AIRE: variants seen among roughly 807,000 people sequenced by gnomAD.
The protein encoded by AIRE is autoimmune polyendocrinopathy candidiasis ectodermal dystrophy protein.
A neutral mutation model predicts 62.1 loss-of-function variants in AIRE; 52 were observed. The ratio of observed to expected loss-of-function variants is 0.84; its 90% confidence interval spans 0.67 to 1.06. The LOEUF (loss-of-function observed/expected upper bound fraction) is 1.06, where lower values mean the gene tolerates loss of function less well. AIRE is among the 50% of genes least tolerant of loss of function. AIRE has a pLI of 0.00. For missense variants in AIRE, 774 were observed against 755.8 expected (o/e 1.02, Z -0.28); for synonymous variants, 342 against 321.6 (o/e 1.06, Z -0.68).
intron 7 of AIRE, 63 bp downstream of exon 7, chr21:44,290,131 T>G (rs1601966977): frequency 1.3e-6 from 2 of 1,563,132 alleles, no homozygotes; most frequent in East Asian, 4.6e-5. Flanking sequence ...TGGGTCCTGC[T>G]GCCTCTGCCT....
chr21:44,290,639 T>TG (rs1568928246), intron 7 of AIRE: 5 of 1,088,898 alleles, frequency 4.6e-6, no homozygotes, highest in Non-Finnish European at 4.9e-6. Context: ...CCTGGCTGTC[T>TG]GGGGGGATTC....
chr21:44,290,342 C>T (rs540660094), intron 7 of AIRE: 4 of 985,460 alleles, frequency 4.1e-6, no homozygotes, highest in South Asian at 4.7e-5. Context: ...CAGCTGGGCC[C>T]GTGGGTGGGC....
At chr21:44,292,636 AC>A (rs1436618496) in intron 9 of AIRE, among the ~76,000 whole-genome samples, 1 of 151,808 alleles carries the variant, frequency 6.6e-6, no homozygotes, top group African/African-American at 2.4e-5. Context: ...CTGCGGGTCC[AC>A]CCCGGGGGGC....
In AIRE at chr21:44,297,570, A is replaced by G. The variant is rs2040623822; in HGVS notation, c.1567-86A>G. ...ACCTTTGACTTAGAGGGAAGGTTGG[A>G]TGGTGACTTCTTGTAACGATGGCCA... On this transcript the variant is annotated intron_variant, in intron 13 of 13. Coordinates refer to ENST00000291582, the MANE Select transcript of AIRE (RefSeq NM_000383.4). This position sits in a 1 kb window ranked among gnomAD's most constrained non-coding sequence, Gnocchi z 4.8. 2 of 1,275,934 alleles carry G rather than the reference A, an allele frequency of 1.6e-6. No individual in the cohort carries two copies. Among genetic ancestry groups the G allele is most frequent in the Non-Finnish European group, 2.3e-6 (2 of 884,240 alleles). 79.0% of individuals were successfully genotyped at this position (1,275,934 alleles called of 1,614,324 possible). A position where few individuals can be genotyped will look rare whatever the true frequency, so the allele number is the denominator to read the frequency against.
At position 44,288,338 on chromosome 21, in the gene AIRE, T is replaced by TA. The variant is rs771925480; in HGVS notation, c.539-7_539-6insA. The TA allele has an allele frequency of 6.3e-7, 1 of 1,591,852 alleles. No homozygotes were observed. The highest frequency in any genetic ancestry group is 1.1e-5 in the South Asian group (1 of 90,672). On this transcript the variant is annotated splice_region_variant and splice_polypyrimidine_tract_variant and intron_variant, in intron 4 of 13. Transcript: ENST00000291582. ...CGGGTGACCCCAATGGGTGTTCCCT[T>TA]TCCCAGGGATTCAGACCATGTCAGC... is the stretch of plus-strand genomic sequence containing the variant.
At position 44,287,503 on chromosome 21, in the gene AIRE, G is replaced by T. The variant is rs569160989; in HGVS notation, c.464-14G>T. 13 of 1,549,210 alleles carry T rather than the reference G, an allele frequency of 8.4e-6. No individual in the cohort carries two copies. The African/African-American group carries it at 1.2e-4, about 15-fold the overall frequency. ...GAGAGGGGAGGCCAGGCTGCCCCCA[G>T]CTCCCCCATTCAGGCTCTCAACTGA... On this transcript the variant is annotated splice_polypyrimidine_tract_variant and intron_variant, in intron 3 of 13. Transcript: ENST00000291582. This position sits in a 1 kb window ranked among gnomAD's most constrained non-coding sequence, Gnocchi z 4.3.
rs762289753 is a variant in AIRE, at chr21:44,293,124, G to T, written c.1227G>T (p.Leu409=). The change falls in exon 10 of 14, where the codon CTG becomes CTT. Residue 409 remains leucine (L), a synonymous_variant. Coordinates refer to ENST00000291582, the MANE Select transcript of AIRE (RefSeq NM_000383.4). ...APPSAAPLPG[L]DSSALHPLLC... ...CTTCTGCAGCCCCGCTGCCAGGGCT[G>T]GACTCCTCGGCCCTGCACCCCCTAC... 1 of 1,597,184 alleles carries T rather than the reference G, an allele frequency of 6.3e-7. No homozygotes were observed.
At chr21:44,296,517 C>T (rs1370162779) in intron 13 of AIRE, 72 bp downstream of exon 13, 3 of 1,438,276 alleles carry the variant, frequency 2.1e-6, no homozygotes, top group Non-Finnish European at 2.9e-6. Context: ...CCAGGCTCCC[C>T]ACTCTGGGGG....
intron 8 of AIRE, 23 bp downstream of exon 8, chr21:44,291,233 G>A (rs567075906): frequency 1.3e-5 from 20 of 1,597,098 alleles, no homozygotes; most frequent in East Asian, 6.7e-5. Flanking sequence ...CTCTGCCAGC[G>A]CAACCAGGCC....
intron 13 of AIRE, among the ~76,000 whole-genome samples, chr21:44,296,672 C>A (rs35915793): frequency 7.4e-5 from 11 of 149,512 alleles, no homozygotes; most frequent in Admixed American, 4.0e-4. Context: ...CCCGGCCCCT[C>A]CCCCTGCGGG....
chr21:44,293,595 T>C (rs2040567855), intron 10 of AIRE, among the ~76,000 whole-genome samples, 194 bp from the exon 11 acceptor site: 1 of 151,860 alleles, frequency 6.6e-6, no homozygotes, highest in Middle Eastern at 3.2e-3. Context: ...GGTGCTTGGG[T>C]CGCCCCTGCC....
chr21:44,293,894 G>C lies in AIRE; in HGVS notation c.1384G>C (p.Gly462Arg), dbSNP rs540790785. 32 of 1,596,634 alleles carry C rather than the reference G, an allele frequency of 2.0e-5. No homozygotes were observed. The highest frequency in any genetic ancestry group is 2.6e-5 in the Non-Finnish European group (31 of 1,179,502). Residue 462 changes from glycine (G) to arginine (R), a missense_variant, in exon 11 of 14, where the codon GGC (glycine) becomes CGC (arginine). Physicochemically the swap from Gly to Arg is moderately radical, Grantham distance 125. Transcript: ENST00000291582. ...AFHWRCHFPAGTSRPGTGLRC... is the reference protein window; with the variant it reads ...AFHWRCHFPARTSRPGTGLRC... Reference sequence around the variant, plus strand: ...CCACTGGCGCTGCCACTTCCCAGCCGGCACCTCCCGGCCCGGGTGAGTGAG... The same window carrying C: ...CCACTGGCGCTGCCACTTCCCAGCCCGCACCTCCCGGCCCGGGTGAGTGAG...
rs1160671214 is a variant in AIRE, at chr21:44,287,587, G to A, written c.534G>A (p.Gly178=). 1.3e-6 allele frequency: 2 copies of A among 1,555,288 alleles called. No homozygotes were observed. Among genetic ancestry groups the A allele is most frequent in the Non-Finnish European group, 1.7e-6 (2 of 1,149,434 alleles). The change falls in exon 4 of 14, where the codon GGG becomes GGA. Residue 178 remains glycine (G), a synonymous_variant. Coordinates refer to ENST00000291582, the MANE Select transcript of AIRE (RefSeq NM_000383.4). The surrounding 1 kb of genome is among the most constrained non-coding windows in gnomAD (Gnocchi z 4.3). ...SSAEQQRLPL[G]NGIQTMSASV... is the part of the protein sequence containing the mutation. ...CAGAGCAGCAGCGCCTTCCACTCGG[G>A]AACGGTGAGCGGGGCCCAGTGGGAG...
chr21:44,291,842 A>G (rs1269575725), intron 8 of AIRE, among the ~76,000 whole-genome samples: 2 of 152,136 alleles, frequency 1.3e-5, no homozygotes, highest in African/African-American at 4.8e-5. Context: ...GCCCCCTCTC[A>G]GCCTTGTGCC....
At chr21:44,293,535 G>A (rs1029113865) in intron 10 of AIRE, among the ~76,000 whole-genome samples, 3 of 152,068 alleles carry the variant, frequency 2.0e-5, no homozygotes, top group Admixed American at 1.3e-4. Flanking sequence ...GGCCAGGCCC[G>A]CCAAGCAGGA....
In AIRE at chr21:44,287,144, T is replaced by G; in HGVS notation, c.463+11T>G. 2.5e-6 allele frequency: 4 copies of G among 1,611,452 alleles called. No individual in the cohort carries two copies. The highest frequency in any genetic ancestry group is 3.4e-6 in the Non-Finnish European group (4 of 1,179,806). ...GCACCGCCAGCCCAGGTACCCTCCCTGCAGGGGAAGCCAGCCAGGGTCTCC... is the reference window on the plus strand; with the variant it reads ...GCACCGCCAGCCCAGGTACCCTCCCGGCAGGGGAAGCCAGCCAGGGTCTCC... On this transcript the variant is annotated intron_variant, in intron 3 of 13. Coordinates refer to ENST00000291582, the MANE Select transcript of AIRE (RefSeq NM_000383.4). The surrounding 1 kb of genome is among the most constrained non-coding windows in gnomAD (Gnocchi z 4.3).
In AIRE at chr21:44,293,037, A is replaced by C. The variant is rs755598841; in HGVS notation, c.1140A>C (p.Pro380=). 6.2e-7 allele frequency: 1 copy of C among 1,612,362 alleles called. No homozygotes were observed. Among genetic ancestry groups the C allele is most frequent in the East Asian group, 2.2e-5 (1 of 44,852 alleles). ...LRSAGEEVRG[P]PGEPLAGMDT... ...CGGCGGGAGAGGAGGTAAGAGGTCC[A>C]CCTGGGGAACCCCTAGCCGGCATGG... Residue 380 remains proline, a synonymous_variant, in exon 10 of 14, where the codon CCA becomes CCC. Transcript: ENST00000291582.
In AIRE at chr21:44,288,395, G is replaced by C. The variant is rs148012328; in HGVS notation, c.589G>C (p.Gly197Arg). The change falls in exon 5 of 14, where the codon GGG becomes CGG. Residue 197 changes from glycine to arginine, a missense_variant. Physicochemically the swap from Gly to Arg is moderately radical, Grantham distance 125 (BLOSUM62 -2). This residue lies in a region of AIRE where 385 missense variants were observed against 396.0 expected (regional missense o/e 0.97). Coordinates refer to ENST00000291582, the MANE Select transcript of AIRE (RefSeq NM_000383.4). ...SVQRAVAMSS[G>R]DVPGARGAVE... is the part of the protein sequence containing the mutation. ...CCAGAGAGCTGTGGCCATGTCCTCC[G>C]GGGACGTCCCGGGAGCCCGAGGGGC... 6.2e-7 allele frequency: 1 copy of C among 1,612,536 alleles called. No homozygotes were observed. The highest frequency in any genetic ancestry group is 8.5e-7 in the Non-Finnish European group (1 of 1,179,462).
intron 7 of AIRE, chr21:44,290,806 C>T: frequency 6.5e-7 from 1 of 1,533,010 alleles, no homozygotes; most frequent in Non-Finnish European, 8.9e-7. Context: ...AGGAAGGGTT[C>T]ATGTGGTTGG....
Sources: gnomAD v4.1 joint callset for allele counts (sites outside exome capture counted in the v4.1 genomes callset) on GRCh38, gnomAD v4.1.1 for gene constraint, gnomAD v4.1.1 regional missense constraint, Gnocchi (gnomAD v3.1) non-coding constraint, MANE v1.5 for transcripts, NCBI Gene and HGNC (gene_info 2026-07-23, HGNC 2026-07-21) for gene names.